Variants in STXBP6 observed in about 807,000 individuals in gnomAD.
STXBP6 encodes the protein syntaxin-binding protein 6.
STXBP6 carries 21 observed loss-of-function variants against 26.9 expected under a neutral mutation model. The ratio of observed to expected loss-of-function variants is 0.78; its 90% CI spans 0.55 to 1.12. The LOEUF (loss-of-function observed/expected upper bound fraction) is 1.12. STXBP6 is among the 50% of genes most tolerant of loss of function. The probability of loss-of-function intolerance (pLI) is 0.00; values close to 1 mark genes in which losing one functional copy is unlikely to be tolerated. For missense variants in STXBP6, 232 were observed against 257.9 expected, an observed-to-expected ratio of 0.90 and a Z score of 0.69; for synonymous variants, 97 against 92.6, an observed-to-expected ratio of 1.05 and a Z score of -0.27.
intron 2 of STXBP6, among the ~76,000 whole-genome samples, chr14:24,886,868 C>G (rs1033776037): frequency 6.6e-6 from 1 of 152,188 alleles, no homozygotes; most frequent in Non-Finnish European, 1.5e-5. Context: ...CCTAGTCAAG[C>G]ATTGTAGAAT....
At chr14:24,862,678 C>A (rs1474145746) in intron 2 of STXBP6, among the ~76,000 whole-genome samples, 1 of 152,122 alleles carries the variant, frequency 6.6e-6, no homozygotes, top group Non-Finnish European at 1.5e-5. Context: ...GAAATTTCTC[C>A]AAAAGGGATG....
intron 1 of STXBP6, among the ~76,000 whole-genome samples, chr14:25,047,856 C>A (rs892187666): frequency 3.9e-5 from 6 of 152,186 alleles, no homozygotes; most frequent in African/African-American, 9.7e-5. Flanking sequence ...GAGGTCAAGT[C>A]AGAGCTCCAT....
chr14:24,872,501 A>G (rs1460712898), intron 2 of STXBP6, among the ~76,000 whole-genome samples: 1 of 152,192 alleles, frequency 6.6e-6, no homozygotes, highest in East Asian at 1.9e-4. Flanking sequence ...ACAAAACCCT[A>G]AGAGTTGACA....
At chr14:24,870,304 A>G (rs2069880943) in intron 2 of STXBP6, among the ~76,000 whole-genome samples, 2 of 152,176 alleles carry the variant, frequency 1.3e-5, no homozygotes, top group Admixed American at 1.3e-4. Flanking sequence ...TGCAAATTAT[A>G]ACTTCTATTG....
At chr14:24,986,182 A>C (rs2074327266) in intron 1 of STXBP6, among the ~76,000 whole-genome samples, 1 of 152,134 alleles carries the variant, frequency 6.6e-6, no homozygotes, top group Non-Finnish European at 1.5e-5. Flanking sequence ...TGAACTAGAA[A>C]ACCTCTAGCC....
chr14:24,853,003 C>T (rs1594965036), intron 4 of STXBP6, among the ~76,000 whole-genome samples: 1 of 152,114 alleles, frequency 6.6e-6, no homozygotes, highest in African/African-American at 2.4e-5. Context: ...AAGCATATTT[C>T]CAAAGTCTGC....
chr14:24,905,607 C>T (rs2071360509), intron 2 of STXBP6, among the ~76,000 whole-genome samples: 1 of 152,094 alleles, frequency 6.6e-6, no homozygotes, highest in Non-Finnish European at 1.5e-5. Flanking sequence ...GCAAAAACTG[C>T]CAAAGGAGGA....
At chr14:24,989,109 T>C (rs1034617379) in intron 1 of STXBP6, among the ~76,000 whole-genome samples, 1 of 152,162 alleles carries the variant, frequency 6.6e-6, no homozygotes, top group Non-Finnish European at 1.5e-5. Context: ...CTGGCAACAT[T>C]AGGCTCGCAC....
chr14:24,865,404 G>A (rs570644816), intron 2 of STXBP6, among the ~76,000 whole-genome samples: 2 of 152,238 alleles, frequency 1.3e-5, no homozygotes, highest in East Asian at 1.9e-4. Flanking sequence ...GAGTTGAAGC[G>A]AGTGCTGAGA....
intron 4 of STXBP6, among the ~76,000 whole-genome samples, chr14:24,842,555 T>C (rs2139034762): frequency 6.6e-6 from 1 of 152,314 alleles, no homozygotes; most frequent in Non-Finnish European, 1.5e-5. Flanking sequence ...AAAATACAAA[T>C]TTACAATGCC....
rs2067766794 is a variant in STXBP6, at chr14:24,809,680, T to C, written c.*3029A>G. 1 of 152,214 alleles carries C rather than the reference T, an allele frequency of 6.6e-6. No individual in the cohort carries two copies. The highest frequency in any genetic ancestry group is 2.4e-5 in the African/African-American group (1 of 41,464). The allele number at this position is 152,214 out of a possible 1,614,324, so 9.4% of individuals were successfully genotyped here. On this transcript the variant is annotated 3_prime_UTR_variant, in exon 6 of 6. Coordinates refer to ENST00000323944, the MANE Select transcript of STXBP6 (RefSeq NM_001394410.1). ...TTCATCACAGAGTTAAAATATTTAA[T>C]GACAAAATTAGGGTTTGTTGTAATA...
At chr14:24,945,842 T>G (rs2072969586) in intron 2 of STXBP6, among the ~76,000 whole-genome samples, 3 of 152,152 alleles carry the variant, frequency 2.0e-5, no homozygotes, top group Non-Finnish European at 4.4e-5. Flanking sequence ...TAATAAGAAC[T>G]ATAAGCTAAT....
rs575873907 is a variant in STXBP6 at position 24,962,478 on chromosome 14, C to T, written c.154+12187G>A. On this transcript the variant is annotated intron_variant, in intron 2 of 5. Coordinates refer to ENST00000323944, the MANE Select transcript of STXBP6 (RefSeq NM_001394410.1). Reference sequence around the variant, plus strand: ...CCAAGTAGCTGGGATTACAGGCACACGCCACTACACCTGGCTAATTTTTGT... The same window carrying T: ...CCAAGTAGCTGGGATTACAGGCACATGCCACTACACCTGGCTAATTTTTGT... Among the ~76,000 whole-genome samples, 197 of 151,836 alleles carry T rather than the reference C, an allele frequency of 1.3e-3. 1 individual carries two copies. Among genetic ancestry groups the T allele is most frequent in the African/African-American group, 4.5e-3 (185 of 41,410 alleles).
chr14:24,958,897 C>T (rs1447350911), intron 2 of STXBP6, among the ~76,000 whole-genome samples: 2 of 152,082 alleles, frequency 1.3e-5, no homozygotes, highest in African/African-American at 2.4e-5. Flanking sequence ...AAAGAAGAGT[C>T]CTTAAGTATC....
rs747010332 is a variant in STXBP6, at chr14:25,002,359, C to CTTTTTTT, written c.-32-27516_-32-27510dup. Among the ~76,000 whole-genome samples the CTTTTTTT allele has an allele frequency of 9.2e-4, 112 of 121,354 alleles. 6 individuals carry two copies. The highest frequency in any genetic ancestry group is 2.9e-3 in the African/African-American group (86 of 29,626). 79.6% of individuals were successfully genotyped at this position (121,354 alleles called of 152,430 possible). A position where few individuals can be genotyped will look rare whatever the true frequency, so the allele number is the denominator to read the frequency against. On this transcript the variant is annotated intron_variant, in intron 1 of 5. Coordinates refer to ENST00000323944, the MANE Select transcript of STXBP6 (RefSeq NM_001394410.1). ...ATCCCATACAGTTAAATTCTTATGA[C>CTTTTTTT]TTTTTTTTTTTTTTTTTTGAGACAC...
At chr14:24,828,761 A>G (rs1318592153) in intron 4 of STXBP6, among the ~76,000 whole-genome samples, 1 of 152,196 alleles carries the variant, frequency 6.6e-6, no homozygotes, top group Non-Finnish European at 1.5e-5. Context: ...AGGGGAAGAA[A>G]CTTCTAGACA....
At chr14:24,822,950 G>A (rs2068180301) in intron 4 of STXBP6, among the ~76,000 whole-genome samples, 1 of 152,134 alleles carries the variant, frequency 6.6e-6, no homozygotes, top group East Asian at 1.9e-4. Context: ...ATTGTGCTGA[G>A]TTAAATCTGG....
intron 1 of STXBP6, among the ~76,000 whole-genome samples, chr14:24,976,589 C>T (rs188325380): frequency 8.6e-4 from 131 of 152,274 alleles, no homozygotes; most frequent in Non-Finnish European, 1.5e-3. Context: ...CTAACTGATA[C>T]GGTATGATTT....
At chr14:24,994,084 T>C (rs1379703746) in intron 1 of STXBP6, among the ~76,000 whole-genome samples, 1 of 152,190 alleles carries the variant, frequency 6.6e-6, no homozygotes. Flanking sequence ...CTATGTTAAA[T>C]CACCTCAGGT....
Sources: allele counts gnomAD v4.1 joint callset (sites outside exome capture counted in the v4.1 genomes callset), GRCh38; gene constraint gnomAD v4.1.1; transcripts MANE v1.5; gene names NCBI Gene and HGNC (gene_info 2026-07-23, HGNC 2026-07-21).